The following ANKRD44 variants were observed in gnomAD, a reference collection of about 807,000 sequenced individuals.
ANKRD44 encodes the protein serine/threonine-protein phosphatase 6 regulatory ankyrin repeat subunit B.
A neutral mutation model predicts 116.0 loss-of-function variants in ANKRD44; 35 were observed. The observed-to-expected ratio is 0.30, with a 90% CI of 0.23 to 0.40. The LOEUF is 0.40. Among genes scored for constraint, ANKRD44 ranks in the 10% least tolerant of loss-of-function variants. The pLI, the probability that ANKRD44 is intolerant of heterozygous loss-of-function variation, is 1.00. For missense variants in ANKRD44, 1,014 were observed against 1,242.6 expected (o/e 0.82, Z 2.77); for synonymous variants, 435 against 461.8 (o/e 0.94, Z 0.74).
At chr2:197,302,997 T>C (rs946413660) in intron 1 of ANKRD44, among the ~76,000 whole-genome samples, 6 of 152,212 alleles carry the variant, frequency 3.9e-5, no homozygotes, top group Non-Finnish European at 7.3e-5. Flanking sequence ...CCCTTTATCC[T>C]GTAAGAAGTT....
intron 16 of ANKRD44, among the ~76,000 whole-genome samples, chr2:197,068,735 C>T (rs2077496377): frequency 6.6e-6 from 1 of 152,174 alleles, no homozygotes; most frequent in Non-Finnish European, 1.5e-5. Flanking sequence ...AAATGCAAAT[C>T]AAAACCACAA....
chr2:197,110,110 G>T (rs1197131145), intron 9 of ANKRD44, among the ~76,000 whole-genome samples: 2 of 152,066 alleles, frequency 1.3e-5, no homozygotes, highest in Non-Finnish European at 2.9e-5. Context: ...CTGAGTAGCT[G>T]GGATTATAGG....
At chr2:197,049,372 G>A (rs1218556444) in intron 16 of ANKRD44, among the ~76,000 whole-genome samples, 1 of 152,096 alleles carries the variant, frequency 6.6e-6, no homozygotes, top group Non-Finnish European at 1.5e-5. Context: ...AATAATTTGT[G>A]TGCAAAGGAT....
intron 1 of ANKRD44, among the ~76,000 whole-genome samples, chr2:197,188,243 C>G (rs571529337): frequency 3.3e-5 from 5 of 152,144 alleles, no homozygotes; most frequent in African/African-American, 1.2e-4. Context: ...GATGGAAACA[C>G]AACCAAAAGA....
intron 1 of ANKRD44, among the ~76,000 whole-genome samples, chr2:197,289,893 C>T (rs891468375): frequency 1.3e-4 from 20 of 148,932 alleles, no homozygotes; most frequent in African/African-American, 4.5e-4. Flanking sequence ...TTTTTTGAGA[C>T]GGAGTCTCTA....
chr2:197,148,665 CA>C (rs1559104051), intron 2 of ANKRD44, among the ~76,000 whole-genome samples: 1 of 152,146 alleles, frequency 6.6e-6, no homozygotes, highest in Non-Finnish European at 1.5e-5. Flanking sequence ...GCAGGGGACA[CA>C]ACAAGAATTG....
intron 1 of ANKRD44, among the ~76,000 whole-genome samples, chr2:197,253,264 CAATTTAT>C (rs1208379121): frequency 6.6e-6 from 1 of 152,062 alleles, no homozygotes; most frequent in East Asian, 1.9e-4. Flanking sequence ...GTGGCATTCC[CAATTTAT>C]CTACTGATGG....
At chr2:197,024,311 G>T (rs1051076408) in intron 17 of ANKRD44, among the ~76,000 whole-genome samples, 1 of 152,202 alleles carries the variant, frequency 6.6e-6, no homozygotes, top group Non-Finnish European at 1.5e-5. Flanking sequence ...CCTGCCCCTG[G>T]GTTTTACTAA....
At chr2:197,126,151 A>C in intron 4 of ANKRD44, 114 bp from the exon 5 acceptor site, 1 of 990,556 alleles carries the variant, frequency 1.0e-6, no homozygotes, top group Non-Finnish European at 1.5e-6. Flanking sequence ...CCCCAACCCT[A>C]CAGGCTGGCT....
intron 21 of ANKRD44, among the ~76,000 whole-genome samples, chr2:197,005,487 A>T (rs1239811688): frequency 6.6e-6 from 1 of 152,238 alleles, no homozygotes; most frequent in African/African-American, 2.4e-5. Flanking sequence ...GGGAAAGTGA[A>T]CTTTTACTCA....
At chr2:197,190,804 T>C (rs1248466064) in intron 1 of ANKRD44, among the ~76,000 whole-genome samples, 1 of 152,240 alleles carries the variant, frequency 6.6e-6, no homozygotes, top group Non-Finnish European at 1.5e-5. Flanking sequence ...TTGTCTTAAC[T>C]TAAATAAGGC....
chr2:197,187,907 C>G (rs1486661174), intron 1 of ANKRD44, among the ~76,000 whole-genome samples: 2 of 151,954 alleles, frequency 1.3e-5, no homozygotes, highest in African/African-American at 4.8e-5. Flanking sequence ...TAAGACAGTT[C>G]CCTATGATTC....
At chr2:196,984,904 G>C (rs1274094265), downstream of ANKRD44, among the ~76,000 whole-genome samples, 1 of 152,210 alleles carries the variant, frequency 6.6e-6, no homozygotes, top group Non-Finnish European at 1.5e-5. Context: ...CACACCCTTG[G>C]GGAATCCCTT....
chr2:197,248,901 C>A (rs2125823200), intron 1 of ANKRD44, among the ~76,000 whole-genome samples: 1 of 152,086 alleles, frequency 6.6e-6, no homozygotes, highest in East Asian at 1.9e-4. Flanking sequence ...ATAGTTTTAG[C>A]TATGCATGAA....
chr2:197,278,515 C>T (rs2083166479), intron 1 of ANKRD44, among the ~76,000 whole-genome samples: 1 of 152,066 alleles, frequency 6.6e-6, no homozygotes, highest in South Asian at 2.1e-4. Flanking sequence ...CACCACCACG[C>T]CCGGTTAATT....
At chr2:197,303,351 G>A (rs796979193) in intron 1 of ANKRD44, among the ~76,000 whole-genome samples, 4 of 152,204 alleles carry the variant, frequency 2.6e-5, no homozygotes, top group African/African-American at 7.2e-5. Flanking sequence ...ACAAAGAAAC[G>A]AAGGCCAGGA....
In ANKRD44 at chr2:197,090,044, G is replaced by A. The variant is rs372005080; in HGVS notation, c.1101-12C>T. ...TATGGATTCCACACCTGAGGAGTAAGAAAACAGAGCAACTCACGGCAACAG... is the reference window on the plus strand; with the variant it reads ...TATGGATTCCACACCTGAGGAGTAAAAAAACAGAGCAACTCACGGCAACAG... On this transcript the variant is annotated splice_polypyrimidine_tract_variant and intron_variant, in intron 10 of 27. Coordinates refer to ENST00000282272, the MANE Select transcript of ANKRD44 (RefSeq NM_001195144.2). The A allele has an allele frequency of 5.6e-6, 9 of 1,608,974 alleles. No individual in the cohort carries two copies. Among genetic ancestry groups the A allele is most frequent in the African/African-American group, 2.7e-5 (2 of 74,816 alleles).
intron 17 of ANKRD44, among the ~76,000 whole-genome samples, chr2:197,023,915 A>T (rs546276461): frequency 6.8e-4 from 103 of 152,336 alleles, no homozygotes; most frequent in African/African-American, 2.4e-3. Flanking sequence ...AGACTGATGC[A>T]CACTTTACCC....
intron 16 of ANKRD44, among the ~76,000 whole-genome samples, chr2:197,035,316 G>A (rs190672059): frequency 3.3e-5 from 5 of 151,114 alleles, no homozygotes; most frequent in East Asian, 2.0e-4. Context: ...CAGGGGCCCC[G>A]AGAGACCTCA....
Sources: gnomAD v4.1 joint callset for allele counts (sites outside exome capture counted in the v4.1 genomes callset) on GRCh38, gnomAD v4.1.1 for gene constraint, MANE v1.5 for transcripts, NCBI Gene and HGNC (gene_info 2026-07-23, HGNC 2026-07-21) for gene names.